CCDC81: variants seen among roughly 807,000 people sequenced by gnomAD.
The protein encoded by CCDC81 is coiled-coil domain containing 81.
CCDC81 carries 79 observed loss-of-function variants against 83.7 expected under a neutral mutation model. That is an observed-to-expected ratio of 0.94 (90% CI 0.79 to 1.14). The LOEUF (loss-of-function observed/expected upper bound fraction) is 1.14. CCDC81 is among the 50% of genes most tolerant of loss of function. The pLI, the probability that CCDC81 is intolerant of heterozygous loss-of-function variation, is 0.00. For synonymous variants in CCDC81, 252 were observed against 278.1 expected (o/e 0.91, Z 0.93); for missense variants, 791 against 778.1 (o/e 1.02, Z -0.20).
Position 86,415,101 on chromosome 11 carries a change from C to G in CCDC81, c.1479C>G (p.Asn493Lys). The change falls in exon 13 of 15, where the codon AAC (asparagine) becomes AAG (lysine). Residue 493 changes from asparagine (N) to lysine (K), a missense_variant. Coordinates refer to ENST00000445632, the MANE Select transcript of CCDC81 (RefSeq NM_001156474.2). ...YKRALDAQIK[N>K]KPSRLPPFEP... ...GTGTATCTCTGTTTAAGATAAAGAA[C>G]AAACCCTCTCGGCTGCCCCCCTTTG... is the stretch of plus-strand genomic sequence containing the variant. 4.3e-6 allele frequency: 7 copies of G among 1,614,096 alleles called. No individual in the cohort carries two copies. Among genetic ancestry groups the G allele is most frequent in the Non-Finnish European group, 5.9e-6 (7 of 1,180,000 alleles).
rs147361514 is a variant in CCDC81, at chr11:86,390,154, C to T, written c.299-2387C>T. ...GAAACATGATTAAGTGCTATGAAAG[C>T]CAAATTGATCAGAACTGGATCAAAT... On this transcript the variant is annotated intron_variant, in intron 3 of 14. Transcript: ENST00000445632. 3.0e-3 allele frequency among the ~76,000 whole-genome samples: 456 copies of T among 152,164 alleles called. 3 individuals are homozygous for T. Among genetic ancestry groups the T allele is most frequent in the African/African-American group, 0.011 (443 of 41,502 alleles).
intron 13 of CCDC81, among the ~76,000 whole-genome samples, chr11:86,417,403 T>C (rs1237986077): frequency 2.6e-5 from 4 of 152,042 alleles, no homozygotes; most frequent in African/African-American, 7.2e-5. Context: ...ATTTTTCCTT[T>C]TTAAGCAATA....
At position 86,414,806 on chromosome 11, in the gene CCDC81, C is replaced by A. The variant is rs765361361; in HGVS notation, c.1409C>A (p.Ala470Glu). ...ACTGCCAGACTTGCTGCGCAAAGAG[C>A]GAAATTTTTAAAAGATAAGATGGAA... ...QLTEELAAQR[A>E]KFLKDKMEET... The change falls in exon 12 of 15, where the codon GCG (alanine) becomes GAG (glutamate). Residue 470 changes from alanine (A) to glutamate (E), a missense_variant. Physicochemically the swap from Ala to Glu is moderately radical, Grantham distance 107. Transcript: ENST00000445632. 4 of 1,611,482 alleles carry A rather than the reference C, an allele frequency of 2.5e-6. No homozygotes were observed. Among genetic ancestry groups the A allele is most frequent in the East Asian group, 2.2e-5 (1 of 44,868 alleles).
intron 10 of CCDC81, among the ~76,000 whole-genome samples, chr11:86,410,890 C>T (rs540493324): frequency 6.6e-6 from 1 of 152,210 alleles, no homozygotes; most frequent in East Asian, 1.9e-4. Flanking sequence ...AAAATGTATC[C>T]AATACCTGTC....
At chr11:86,411,880 C>A (rs953808075) in intron 10 of CCDC81, among the ~76,000 whole-genome samples, 4 of 152,122 alleles carry the variant, frequency 2.6e-5, no homozygotes, top group Admixed American at 2.0e-4. Context: ...AACCACTAGG[C>A]CTTCCAAAAA....
chr11:86,412,686 C>G lies in CCDC81; in HGVS notation c.1391+127C>G, dbSNP rs1203081987. On this transcript the variant is annotated intron_variant, in intron 11 of 14. Coordinates refer to ENST00000445632, the MANE Select transcript of CCDC81 (RefSeq NM_001156474.2). ...CTGTAACCAACTGAGCAAACTAACCCAGTTAGCAGCCAGTACTGAAATGGG... is the reference window on the plus strand; with the variant it reads ...CTGTAACCAACTGAGCAAACTAACCGAGTTAGCAGCCAGTACTGAAATGGG... The G allele has an allele frequency of 8.6e-6, 7 of 815,502 alleles. No individual in the cohort carries two copies. The South Asian group carries it at 1.2e-4, about 14-fold the overall frequency. 50.5% of individuals were successfully genotyped at this position (815,502 alleles called of 1,614,324 possible). A position where few individuals can be genotyped will look rare whatever the true frequency, so the allele number is the denominator to read the frequency against.
chr11:86,414,607 G>C, intron 11 of CCDC81, 182 bp from the exon 12 acceptor site: 1 of 561,058 alleles, frequency 1.8e-6, no homozygotes, highest in Non-Finnish European at 3.1e-6. Context: ...GTGCCTGGCC[G>C]CCTATGGATT....
intron 5 of CCDC81, among the ~76,000 whole-genome samples, chr11:86,395,771 C>T (rs559614500): frequency 3.9e-5 from 6 of 152,222 alleles, no homozygotes; most frequent in South Asian, 2.1e-4. Flanking sequence ...TACAGGCGCA[C>T]GCCACCATGC....
intron 14 of CCDC81, 36 bp downstream of exon 14, chr11:86,420,089 C>T (rs1311302781): frequency 1.3e-6 from 2 of 1,599,668 alleles, no homozygotes; most frequent in East Asian, 2.2e-5. Flanking sequence ...TTCTCCTGCT[C>T]CTTGTGGGAC....
At chr11:86,389,345 T>C (rs552933715) in intron 3 of CCDC81, among the ~76,000 whole-genome samples, 1 of 152,312 alleles carries the variant, frequency 6.6e-6, no homozygotes, top group East Asian at 1.9e-4. Context: ...TTCTTCATCA[T>C]TAATTAACTA....
At chr11:86,395,096 G>A (rs948995790) in intron 4 of CCDC81, 1 of 346,656 alleles carries the variant, frequency 2.9e-6, no homozygotes, top group African/African-American at 2.1e-5. Context: ...TTCCCTAAAA[G>A]GAAATGGTTT....
chr11:86,389,112 A>C (rs1402165954), intron 3 of CCDC81, among the ~76,000 whole-genome samples: 2 of 152,116 alleles, frequency 1.3e-5, no homozygotes, highest in Admixed American at 1.3e-4. Context: ...CAACATAGCA[A>C]GCTCCTGCCT....
intron 13 of CCDC81, among the ~76,000 whole-genome samples, chr11:86,417,639 G>T (rs1948739134): frequency 6.6e-6 from 1 of 151,688 alleles, no homozygotes; most frequent in Admixed American, 6.6e-5. Flanking sequence ...CAGATATTTT[G>T]TATTAAACAT....
At chr11:86,398,717 C>T (rs559340594) in intron 6 of CCDC81, among the ~76,000 whole-genome samples, 13 of 152,116 alleles carry the variant, frequency 8.5e-5, no homozygotes, top group African/African-American at 2.4e-4. Flanking sequence ...GGACTACAGG[C>T]GCGCACCACC....
At chr11:86,411,849 T>A (rs971591866) in intron 10 of CCDC81, among the ~76,000 whole-genome samples, 3 of 152,230 alleles carry the variant, frequency 2.0e-5, no homozygotes, top group African/African-American at 7.2e-5. Flanking sequence ...TTGTTTTATC[T>A]GAGTTTCTTC....
At chr11:86,416,467 T>C (rs1948720826) in intron 13 of CCDC81, among the ~76,000 whole-genome samples, 1 of 152,244 alleles carries the variant, frequency 6.6e-6, no homozygotes, top group Non-Finnish European at 1.5e-5. Flanking sequence ...CTTCTCTAGT[T>C]ATTTCCTAAA....
rs962353196 is a variant in CCDC81 at position 86,390,321 on chromosome 11, G to A, written c.299-2220G>A. Reference sequence around the variant, plus strand: ...AACAATATGAACAAGTCAAGAACATGGAATGAAGCCTGTTAAGGAAGTAAC... The same window carrying A: ...AACAATATGAACAAGTCAAGAACATAGAATGAAGCCTGTTAAGGAAGTAAC... On this transcript the variant is annotated intron_variant, in intron 3 of 14. Transcript: ENST00000445632. Among the ~76,000 whole-genome samples the A allele has an allele frequency of 2.0e-5, 3 of 152,106 alleles. No individual in the cohort carries two copies. In the South Asian group the frequency reaches 6.2e-4, roughly 32 times the overall value.
At chr11:86,403,013 A>ATTTTTTTT (rs545083032) in intron 7 of CCDC81, among the ~76,000 whole-genome samples, 58 of 112,488 alleles carry the variant, frequency 5.2e-4, no homozygotes, top group Non-Finnish European at 7.2e-4. Flanking sequence ...TAATTTTTTG[A>ATTTTTTTT]TTTTTTTTTT....
intron 1 of CCDC81, among the ~76,000 whole-genome samples, chr11:86,384,307 G>T (rs1291863881): frequency 2.0e-5 from 3 of 152,126 alleles, no homozygotes; most frequent in Non-Finnish European, 4.4e-5. Flanking sequence ...GAATCTATGG[G>T]CTGTGGGGGT....
Sources: allele counts gnomAD v4.1 joint callset (sites outside exome capture counted in the v4.1 genomes callset), GRCh38; gene constraint gnomAD v4.1.1; transcripts MANE v1.5; gene names NCBI Gene and HGNC (gene_info 2026-07-23, HGNC 2026-07-21).